Variants in GCNT1 observed in about 807,000 individuals in gnomAD.
GCNT1 encodes glucosaminyl (N-acetyl) transferase 1, also known as beta-1,3-galactosyl-O-glycosyl-glycoprotein beta-1,6-N-acetylglucosaminyltransferase.
In GCNT1, 16 loss-of-function variants were observed where a neutral mutation model predicts 26.2. The observed-to-expected ratio is 0.61, with a 90% CI of 0.41 to 0.93. The LOEUF (loss-of-function observed/expected upper bound fraction) is 0.93, where lower values mean the gene tolerates loss of function less well. GCNT1 is among the 40% of genes least tolerant of loss of function. GCNT1 has a pLI of 0.00. For missense variants in GCNT1, 477 were observed against 526.7 expected, an observed-to-expected ratio of 0.91 and a Z score of 0.92; for synonymous variants, 183 against 190.8, an observed-to-expected ratio of 0.96 and a Z score of 0.34.
At chr9:76,496,313 A>G (rs1023017000) in intron 2 of GCNT1, among the ~76,000 whole-genome samples, 26 of 152,194 alleles carry the variant, frequency 1.7e-4, no homozygotes, top group African/African-American at 5.5e-4. Flanking sequence ...CCACTCCTCC[A>G]TCATTCTCCG....
upstream of GCNT1, among the ~76,000 whole-genome samples, chr9:76,458,733 T>C (rs1011548355): frequency 1.7e-4 from 26 of 152,206 alleles, no homozygotes; most frequent in Admixed American, 1.6e-3. Context: ...ATGAATGTAA[T>C]GAGTTCTTAA....
chr9:76,431,201 C>CCCAATA (rs1564221624), intron 1 of GCNT1, among the ~76,000 whole-genome samples: 1 of 152,128 alleles, frequency 6.6e-6, no homozygotes, highest in African/African-American at 2.4e-5. Context: ...TAACTAGGTG[C>CCCAATA]ACTGAAATTT....
chr9:76,428,291 T>TAAAAAAAAAAAAAAAAAAA (rs1564220598), intron 1 of GCNT1, among the ~76,000 whole-genome samples: 1 of 77,028 alleles, frequency 1.3e-5, no homozygotes, highest in African/African-American at 4.7e-5. Context: ...AAAAAAAAAC[T>TAAAAAAAAAAAAAAAAAAA]TAAAAAAAAA....
At chr9:76,499,831 T>C (rs1053515703) in intron 2 of GCNT1, among the ~76,000 whole-genome samples, 2 of 152,214 alleles carry the variant, frequency 1.3e-5, no homozygotes, top group Non-Finnish European at 2.9e-5. Context: ...TTATTATTAA[T>C]TATTGATACA....
At chr9:76,447,338 C>T (rs1162675533) in intron 1 of GCNT1, among the ~76,000 whole-genome samples, 1 of 151,866 alleles carries the variant, frequency 6.6e-6, no homozygotes, top group Non-Finnish European at 1.5e-5. Context: ...CTCCCGGGCT[C>T]AGGCAATCCT....
the GCNT1 span, among the ~76,000 whole-genome samples, chr9:76,409,938 A>C: frequency 2.2e-3 from 340 of 152,160 alleles, 2 homozygotes; most frequent in Non-Finnish European, 2.2e-3. Flanking sequence ...TGCATCCACA[A>C]ATTTTGATAA....
At chr9:76,428,262 T>A (rs1407590845) in intron 1 of GCNT1, among the ~76,000 whole-genome samples, 2 of 33,052 alleles carry the variant, frequency 6.1e-5, no homozygotes, top group East Asian at 6.5e-4. Context: ...CAAGACTCCG[T>A]CTCAAAAAAA....
intron 2 of GCNT1, among the ~76,000 whole-genome samples, chr9:76,463,908 G>A (rs867398968): frequency 3.3e-5 from 5 of 152,076 alleles, no homozygotes; most frequent in African/African-American, 9.7e-5. Flanking sequence ...TTAAAATAAG[G>A]CCTGGGGGCA....
intron 2 of GCNT1, among the ~76,000 whole-genome samples, chr9:76,465,053 T>C (rs1466116805): frequency 6.6e-6 from 1 of 152,086 alleles, no homozygotes; most frequent in East Asian, 1.9e-4. Flanking sequence ...GGAGCAATCA[T>C]AGCACACTGC....
the GCNT1 span, chr9:76,394,131 C>T: frequency 6.2e-7 from 1 of 1,609,790 alleles, no homozygotes; most frequent in Non-Finnish European, 8.5e-7. Context: ...GCCGAAGCCC[C>T]GCACCACTTG....
chr9:76,455,086 T>C (rs1823735457), upstream of GCNT1, among the ~76,000 whole-genome samples: 1 of 152,126 alleles, frequency 6.6e-6, no homozygotes, highest in African/African-American at 2.4e-5. Flanking sequence ...AACCTTGTGA[T>C]TCGCCCGCCT....
chr9:76,499,384 T>TC (rs1215131639), intron 2 of GCNT1, among the ~76,000 whole-genome samples: 1 of 152,142 alleles, frequency 6.6e-6, no homozygotes, highest in South Asian at 2.1e-4. Flanking sequence ...CACCTCAGCT[T>TC]CCCAAAGTGC....
chr9:76,394,364 T>G, the GCNT1 span: 20 of 477,380 alleles, frequency 4.2e-5, no homozygotes, highest in Non-Finnish European at 4.4e-5. Flanking sequence ...ACCCAACAAA[T>G]ACCGCCGGGC....
At chr9:76,468,162 G>T (rs959542928) in intron 2 of GCNT1, among the ~76,000 whole-genome samples, 5 of 152,056 alleles carry the variant, frequency 3.3e-5, no homozygotes, top group Admixed American at 1.3e-4. Context: ...CTCCCGAAGT[G>T]CTGGGATTAC....
At chr9:76,401,308 G>A in the GCNT1 span, among the ~76,000 whole-genome samples, 5 of 152,104 alleles carry the variant, frequency 3.3e-5, no homozygotes, top group Non-Finnish European at 5.9e-5. Context: ...AGGCTAGAGT[G>A]CAGTGGCTAT....
At chr9:76,473,068 T>C (rs946241043) in intron 2 of GCNT1, among the ~76,000 whole-genome samples, 8 of 152,066 alleles carry the variant, frequency 5.3e-5, no homozygotes, top group East Asian at 1.9e-4. Flanking sequence ...TGTCTTTACG[T>C]CTTTGTTTCT....
At chr9:76,490,021 G>C (rs910199931) in intron 2 of GCNT1, among the ~76,000 whole-genome samples, 45 of 152,292 alleles carry the variant, frequency 3.0e-4, no homozygotes, top group African/African-American at 1.1e-3. Context: ...TAAAAATACA[G>C]GGCCCGAAGG....
intron 2 of GCNT1, among the ~76,000 whole-genome samples, chr9:76,469,518 G>A (rs542275006): frequency 6.6e-6 from 1 of 152,302 alleles, no homozygotes; most frequent in East Asian, 1.9e-4. Flanking sequence ...CCCTTTGTAT[G>A]GGAGCTCTGT....
upstream of GCNT1, among the ~76,000 whole-genome samples, chr9:76,438,314 T>C (rs1823437079): frequency 6.6e-6 from 1 of 152,138 alleles, no homozygotes; most frequent in African/African-American, 2.4e-5. Context: ...AGATTTAAAA[T>C]TTTTCTGATT....
Sources: gnomAD v4.1 joint callset for allele counts (sites outside exome capture counted in the v4.1 genomes callset) on GRCh38, gnomAD v4.1.1 for gene constraint, MANE v1.5 for transcripts, NCBI Gene and HGNC (gene_info 2026-07-23, HGNC 2026-07-21) for gene names.